TMEM132D: variants seen among roughly 807,000 people sequenced by gnomAD.
The protein encoded by TMEM132D is transmembrane protein 132D, also known as mature OL transmembrane protein.
TMEM132D carries 21 observed loss-of-function variants against 62.3 expected under a neutral mutation model. The observed-to-expected ratio is 0.34, with a 90% CI of 0.24 to 0.49. The LOEUF (loss-of-function observed/expected upper bound fraction) is 0.49, where lower values mean the gene tolerates loss of function less well. Among genes scored for constraint, TMEM132D ranks in the 20% least tolerant of loss-of-function variants. TMEM132D has a pLI of 0.99. For missense variants in TMEM132D, 1,346 were observed against 1,402.8 expected, an observed-to-expected ratio of 0.96 and a Z score of 0.65; for synonymous variants, 621 against 575.6, an observed-to-expected ratio of 1.08 and a Z score of -1.13.
At chr12:129,865,026 G>C (rs768613099) in intron 1 of TMEM132D, among the ~76,000 whole-genome samples, 5 of 152,102 alleles carry the variant, frequency 3.3e-5, no homozygotes, top group Admixed American at 2.0e-4. Flanking sequence ...TCCAATGTCA[G>C]AACTTATTTT....
intron 4 of TMEM132D, among the ~76,000 whole-genome samples, chr12:129,244,201 C>A (rs904190585): frequency 6.7e-6 from 1 of 149,064 alleles, no homozygotes. Flanking sequence ...CTGGCTAACG[C>A]GGTGAAACCC....
chr12:129,695,654 G>A (rs1881187354), intron 2 of TMEM132D, among the ~76,000 whole-genome samples: 1 of 152,220 alleles, frequency 6.6e-6, no homozygotes, highest in South Asian at 2.1e-4. Flanking sequence ...GTAATTCGAG[G>A]AACCATTTTA....
intron 3 of TMEM132D, among the ~76,000 whole-genome samples, chr12:129,497,834 T>C (rs957393629): frequency 1.3e-5 from 2 of 152,108 alleles, no homozygotes; most frequent in African/African-American, 2.4e-5. Context: ...TAATTTTTTA[T>C]GTTTTTAGGA....
chr12:129,751,510 C>A (rs920242563), intron 1 of TMEM132D, among the ~76,000 whole-genome samples: 2 of 149,378 alleles, frequency 1.3e-5, no homozygotes, highest in Admixed American at 1.3e-4. Flanking sequence ...CCTGTGTCGC[C>A]CCCACCAGCC....
intron 8 of TMEM132D, among the ~76,000 whole-genome samples, chr12:129,075,705 G>C (rs934134401): frequency 6.6e-6 from 1 of 152,186 alleles, no homozygotes; most frequent in Non-Finnish European, 1.5e-5. Context: ...CTTGATTGGA[G>C]AGTCTTCATC....
At chr12:129,160,798 T>C (rs2135540898) in intron 5 of TMEM132D, among the ~76,000 whole-genome samples, 1 of 152,310 alleles carries the variant, frequency 6.6e-6, no homozygotes, top group East Asian at 1.9e-4. Flanking sequence ...TGGGGACTAC[T>C]TGAGTATCAG....
At chr12:129,519,636 T>C (rs938731948) in intron 3 of TMEM132D, among the ~76,000 whole-genome samples, 14 of 147,876 alleles carry the variant, frequency 9.5e-5, no homozygotes, top group African/African-American at 3.5e-4. Flanking sequence ...TGAGATGGAG[T>C]CTTACTCTGT....
rs1874118648 is a variant in TMEM132D, at chr12:129,072,888, C to CAAAG, written c.*983_*986dup. ...GCCCATGCCTAGAGACCAGCCTCTTCAAAGACGGACGGCGTGGGACATATG... is the reference window on the plus strand; with the variant it reads ...GCCCATGCCTAGAGACCAGCCTCTTCAAAGAAAGACGGACGGCGTGGGACATATG... On this transcript the variant is annotated 3_prime_UTR_variant, in exon 9 of 9. Coordinates refer to ENST00000422113, the MANE Select transcript of TMEM132D (RefSeq NM_133448.3). 6.6e-6 allele frequency: 1 copy of CAAAG among 152,182 alleles called. No homozygotes were observed. The highest frequency in any genetic ancestry group is 6.5e-5 in the Admixed American group (1 of 15,284). The allele number at this position is 152,182 out of a possible 1,614,324, so 9.4% of individuals were successfully genotyped here. A position where few individuals can be genotyped will look rare whatever the true frequency, so the allele number is the denominator to read the frequency against.
intron 2 of TMEM132D, among the ~76,000 whole-genome samples, chr12:129,584,076 A>G (rs1877950844): frequency 6.6e-6 from 1 of 152,226 alleles, no homozygotes; most frequent in South Asian, 2.1e-4. Context: ...GTGTAGTAAT[A>G]GAAAGAAAAG....
At chr12:129,690,773 C>A (rs1881044443) in intron 2 of TMEM132D, among the ~76,000 whole-genome samples, 1 of 152,116 alleles carries the variant, frequency 6.6e-6, no homozygotes, top group Admixed American at 6.5e-5. Flanking sequence ...CCTCTGTGAG[C>A]AACTGATAGA....
chr12:129,523,139 C>G (rs999186697), intron 3 of TMEM132D, among the ~76,000 whole-genome samples: 1 of 152,060 alleles, frequency 6.6e-6, no homozygotes, highest in African/African-American at 2.4e-5. Context: ...GACACACACA[C>G]TTATTGAAGC....
intron 5 of TMEM132D, among the ~76,000 whole-genome samples, chr12:129,157,721 T>C (rs767899168): frequency 6.6e-6 from 1 of 152,222 alleles, no homozygotes; most frequent in African/African-American, 2.4e-5. Context: ...TTGTAATGCC[T>C]ACATAACTTT....
chr12:129,706,038 T>G (rs2137232123), intron 1 of TMEM132D, among the ~76,000 whole-genome samples: 1 of 152,100 alleles, frequency 6.6e-6, no homozygotes, highest in East Asian at 1.9e-4. Flanking sequence ...TGGGAAGAAC[T>G]GAGGAGAGAG....
chr12:129,754,141 A>T (rs970849925), intron 1 of TMEM132D, among the ~76,000 whole-genome samples: 1 of 152,204 alleles, frequency 6.6e-6, no homozygotes, highest in African/African-American at 2.4e-5. Flanking sequence ...GAGCGGGAAA[A>T]GTAGGTGCTG....
At chr12:129,100,072 G>A (rs554600114) in intron 5 of TMEM132D, among the ~76,000 whole-genome samples, 23 of 151,350 alleles carry the variant, frequency 1.5e-4, no homozygotes, top group Non-Finnish European at 2.7e-4. Flanking sequence ...ACAGAGTCTC[G>A]CTCTGTCACC....
chr12:129,250,482 C>T (rs1205524790), intron 4 of TMEM132D, among the ~76,000 whole-genome samples: 1 of 152,158 alleles, frequency 6.6e-6, no homozygotes, highest in Non-Finnish European at 1.5e-5. Flanking sequence ...TCCTCAACAG[C>T]GCCAATCCTT....
intron 5 of TMEM132D, among the ~76,000 whole-genome samples, chr12:129,184,251 T>G (rs1293952961): frequency 1.3e-5 from 2 of 152,156 alleles, no homozygotes; most frequent in Non-Finnish European, 2.9e-5. Context: ...CTCTTCTTAC[T>G]CATGCTCTCA....
intron 2 of TMEM132D, among the ~76,000 whole-genome samples, chr12:129,555,958 T>C (rs150443195): frequency 4.3e-4 from 65 of 152,352 alleles, no homozygotes; most frequent in Middle Eastern, 3.4e-3. Context: ...AAGCTGGACA[T>C]ACACATCAAA....
chr12:129,390,109 C>G (rs1056054221), intron 3 of TMEM132D, among the ~76,000 whole-genome samples: 3 of 152,210 alleles, frequency 2.0e-5, no homozygotes, highest in African/African-American at 7.2e-5. Flanking sequence ...GCGGCACTTT[C>G]AAGTGCTCCT....
Sources: gnomAD v4.1 joint callset for allele counts (sites outside exome capture counted in the v4.1 genomes callset) on GRCh38, gnomAD v4.1.1 for gene constraint, MANE v1.5 for transcripts, NCBI Gene and HGNC (gene_info 2026-07-23, HGNC 2026-07-21) for gene names.